ITPR1: variants seen among roughly 807,000 people sequenced by gnomAD.
ITPR1 encodes inositol 1,4,5-trisphosphate receptor type 1, also known as inositol 1,4,5-trisphosphate-gated calcium channel ITPR1.
Under a neutral mutation model 318.4 loss-of-function variants are expected in ITPR1, and 96 were observed. The ratio of observed to expected loss-of-function variants is 0.30; its 90% CI spans 0.26 to 0.36. ITPR1 has a LOEUF of 0.36. Ranked by LOEUF, ITPR1 falls within the 10% of genes least tolerant of loss-of-function variation. ITPR1 has a pLI of 1.00. For missense variants in ITPR1, 2,440 were observed against 3,460.2 expected, an observed-to-expected ratio of 0.71 and a Z score of 7.40; for synonymous variants, 1,312 against 1,289.9, an observed-to-expected ratio of 1.02 and a Z score of -0.37.
Position 4,652,205 on chromosome 3 carries a change from A to C in ITPR1, c.938A>C (p.Tyr313Ser). 6.2e-7 allele frequency: 1 copy of C among 1,611,292 alleles called. No homozygotes were observed. Among genetic ancestry groups the C allele is most frequent in the Non-Finnish European group, 8.5e-7 (1 of 1,178,714 alleles). ...TTCAAGCATCTGGCCACGGGGCATTACTTGGCAGCAGAGGTAAGTAGCAGC... is the reference window on the plus strand; with the variant it reads ...TTCAAGCATCTGGCCACGGGGCATTCCTTGGCAGCAGAGGTAAGTAGCAGC... ...FRFKHLATGH[Y>S]LAAEVDPDFE... The change falls in exon 11 of 62, where the codon TAC (tyrosine) becomes TCC (serine). Residue 313 changes from tyrosine to serine, a missense_variant. Tyr to Ser is a moderately radical substitution (Grantham distance 144). Transcript: ENST00000649015.
chr3:4,820,574 G>C (rs1318015713), intron 60 of ITPR1, among the ~76,000 whole-genome samples: 1 of 152,238 alleles, frequency 6.6e-6, no homozygotes. Context: ...GCAACACTCT[G>C]AGGGCCTGGG....
chr3:4,758,441 C>T (rs2045178172), intron 44 of ITPR1, among the ~76,000 whole-genome samples: 1 of 152,186 alleles, frequency 6.6e-6, no homozygotes, highest in Non-Finnish European at 1.5e-5. Flanking sequence ...CAAAGGGGCT[C>T]CTCCCCTAGA....
chr3:4,630,823 AG>A (rs1354112737), intron 5 of ITPR1, among the ~76,000 whole-genome samples: 1 of 151,976 alleles, frequency 6.6e-6, no homozygotes, highest in Non-Finnish European at 1.5e-5. Flanking sequence ...CCTGACCTCA[AG>A]TGATCCACTG....
intron 4 of ITPR1, among the ~76,000 whole-genome samples, chr3:4,532,132 C>T (rs563228138): frequency 6.6e-6 from 1 of 152,308 alleles, no homozygotes; most frequent in South Asian, 2.1e-4. Context: ...TAGCCCTTCC[C>T]CCCTATTGCA....
intron 3 of ITPR1, among the ~76,000 whole-genome samples, chr3:4,519,770 A>G (rs949573810): frequency 7.5e-6 from 1 of 132,902 alleles, no homozygotes; most frequent in Non-Finnish European, 1.7e-5. Flanking sequence ...GGTACCATGG[A>G]CACTTTGATT....
At chr3:4,531,524 C>T (rs910638577) in intron 4 of ITPR1, among the ~76,000 whole-genome samples, 2 of 152,126 alleles carry the variant, frequency 1.3e-5, no homozygotes, top group Non-Finnish European at 1.5e-5. Flanking sequence ...AGTGGTTCCC[C>T]AGTTGTGCTC....
intron 39 of ITPR1, among the ~76,000 whole-genome samples, chr3:4,714,295 G>A (rs722368): frequency 0.56 from 85,792 of 151,992 alleles, 25,033 homozygotes; most frequent in Non-Finnish European, 0.64. Flanking sequence ...TGGGTGCTGA[G>A]GACGACACCA....
In ITPR1 at chr3:4,683,683, A is replaced by G; in HGVS notation, c.3383A>G (p.Asp1128Gly). ...DVDNYKQIKQ[D>G]LDQLRSIVEK... ...GACAACTACAAACAGATCAAACAAG[A>G]CTTGGATCAACTGAGGTCCATCGTG... The change falls in exon 28 of 62, where the codon GAC becomes GGC. Residue 1128 changes from aspartate to glycine, a missense_variant. By Grantham distance (94) the Asp-to-Gly change is moderately conservative. Coordinates refer to ENST00000649015, the MANE Select transcript of ITPR1 (RefSeq NM_001378452.1). 1 of 1,614,040 alleles carries G rather than the reference A, an allele frequency of 6.2e-7. No homozygotes were observed. Among genetic ancestry groups the G allele is most frequent in the Non-Finnish European group, 8.5e-7 (1 of 1,179,872 alleles).
intron 2 of ITPR1, among the ~76,000 whole-genome samples, chr3:4,505,076 C>T (rs1366960438): frequency 6.6e-6 from 1 of 151,832 alleles, no homozygotes; most frequent in African/African-American, 2.4e-5. Context: ...TTTTTGTCTT[C>T]GTCCTTATCC....
chr3:4,783,792 T>G (rs2046988548), intron 50 of ITPR1, 24 bp from the exon 51 acceptor site: 2 of 1,537,098 alleles, frequency 1.3e-6, no homozygotes, highest in Non-Finnish European at 1.8e-6. Context: ...ACCAACCTCC[T>G]GTATCTCTGT....
chr3:4,600,708 A>T (rs971420579), intron 4 of ITPR1, among the ~76,000 whole-genome samples: 1 of 152,098 alleles, frequency 6.6e-6, no homozygotes, highest in Non-Finnish European at 1.5e-5. Flanking sequence ...TGTGAAGTTG[A>T]TGGTAGACAT....
intron 55 of ITPR1, among the ~76,000 whole-genome samples, chr3:4,808,477 T>C (rs1217571572): frequency 6.6e-6 from 1 of 152,088 alleles, no homozygotes; most frequent in Non-Finnish European, 1.5e-5. Context: ...TAAGAGTAAC[T>C]CTCAGCTTCT....
chr3:4,740,787 G>A (rs1245987491), intron 44 of ITPR1, among the ~76,000 whole-genome samples: 1 of 152,178 alleles, frequency 6.6e-6, no homozygotes, highest in Non-Finnish European at 1.5e-5. Context: ...GGAACAAGGA[G>A]ACAGTACCAC....
chr3:4,505,254 A>G (rs929201896), intron 2 of ITPR1, among the ~76,000 whole-genome samples: 3 of 152,086 alleles, frequency 2.0e-5, no homozygotes, highest in Non-Finnish European at 4.4e-5. Context: ...GTGCAGTGGC[A>G]TGATCTCAGC....
intron 52 of ITPR1, among the ~76,000 whole-genome samples, chr3:4,790,244 C>A (rs2047468935): frequency 6.6e-6 from 1 of 152,150 alleles, no homozygotes; most frequent in Non-Finnish European, 1.5e-5. Context: ...CCATTTCTGC[C>A]CCCAACAGGC....
Position 4,706,147 on chromosome 3 carries a change from C to T in ITPR1, c.4658-20C>T, listed in dbSNP as rs763985972. On this transcript the variant is annotated intron_variant, in intron 36 of 61. Coordinates refer to ENST00000649015, the MANE Select transcript of ITPR1 (RefSeq NM_001378452.1). ...CCCCATAAAAGTTGTAGGCTCACGA[C>T]TCATCTTTCTCCTGTGCAGCCAAGA... The T allele has an allele frequency of 8.4e-5, 135 of 1,613,728 alleles. No individual in the cohort carries two copies. Among genetic ancestry groups the T allele is most frequent in the Non-Finnish European group, 1.1e-4 (132 of 1,179,756 alleles).
chr3:4,612,142 A>T (rs1214126160), intron 4 of ITPR1, among the ~76,000 whole-genome samples: 1 of 145,968 alleles, frequency 6.9e-6, no homozygotes, highest in African/African-American at 2.6e-5. Context: ...GCTCACTGCA[A>T]GCTCTGTCTC....
intron 51 of ITPR1, among the ~76,000 whole-genome samples, chr3:4,787,337 CAAAAAA>C (rs71053443): frequency 3.9e-5 from 2 of 51,348 alleles, no homozygotes; most frequent in South Asian, 1.2e-3. Context: ...GACTCCATCT[CAAAAAA>C]AAAAAAAAAA....
chr3:4,752,402 G>A (rs1310992397), intron 44 of ITPR1, among the ~76,000 whole-genome samples: 2 of 152,134 alleles, frequency 1.3e-5, no homozygotes, highest in Non-Finnish European at 2.9e-5. Context: ...TTAACTCGAT[G>A]GATTAAGGAT....
Sources: gnomAD v4.1 joint callset for allele counts (sites outside exome capture counted in the v4.1 genomes callset) on GRCh38, gnomAD v4.1.1 for gene constraint, MANE v1.5 for transcripts, NCBI Gene and HGNC (gene_info 2026-07-23, HGNC 2026-07-21) for gene names.